Variants in KANSL1 observed in about 807,000 individuals in gnomAD.
The protein encoded by KANSL1 is MLL1/MLL complex subunit KANSL1.
KANSL1 carries 22 observed loss-of-function variants against 103.6 expected under a neutral mutation model. The ratio of observed to expected loss-of-function variants is 0.21; its 90% confidence interval spans 0.15 to 0.30. The LOEUF (loss-of-function observed/expected upper bound fraction) is 0.30. Among genes scored for constraint, KANSL1 ranks in the 10% least tolerant of loss-of-function variants. The pLI, the probability that KANSL1 is intolerant of heterozygous loss-of-function variation, is 1.00. For synonymous variants in KANSL1, 600 were observed against 527.6 expected, an observed-to-expected ratio of 1.14 and a Z score of -1.88; for missense variants, 1,337 against 1,399.8, an observed-to-expected ratio of 0.96 and a Z score of 0.72.
chr17:46,177,983 T>C (rs1460990477), intron 1 of KANSL1, among the ~76,000 whole-genome samples: 23 of 152,290 alleles, frequency 1.5e-4, no homozygotes, highest in Admixed American at 1.5e-3. Context: ...TTCACCATGT[T>C]AGCCAGGATG....
intron 4 of KANSL1, among the ~76,000 whole-genome samples, chr17:46,074,882 G>A (rs183739912): frequency 6.6e-6 from 1 of 152,146 alleles, no homozygotes; most frequent in African/African-American, 2.4e-5. Context: ...CTTAACCAAG[G>A]GAACAAACCT....
intron 2 of KANSL1, among the ~76,000 whole-genome samples, chr17:46,096,712 G>A (rs911346491): frequency 1.1e-4 from 16 of 151,426 alleles, no homozygotes; most frequent in South Asian, 2.1e-4. Flanking sequence ...TCCGCCTCCC[G>A]GGTTTACGCC....
At chr17:46,155,093 A>G (rs1407700983) in intron 2 of KANSL1, among the ~76,000 whole-genome samples, 1 of 151,872 alleles carries the variant, frequency 6.6e-6, no homozygotes, top group East Asian at 1.9e-4. Flanking sequence ...AGTTGATGGT[A>G]GCATCCTTTC....
intron 2 of KANSL1, among the ~76,000 whole-genome samples, chr17:46,117,525 C>T (rs62061851): frequency 0.14 from 21,666 of 151,968 alleles, 2,117 homozygotes; most frequent in Non-Finnish European, 0.22. Flanking sequence ...GTGGCAGTGG[C>T]AGGTGGAGAA....
At chr17:46,219,250 T>TTA (rs71262051) in intron 1 of KANSL1, among the ~76,000 whole-genome samples, 41 of 135,234 alleles carry the variant, frequency 3.0e-4, no homozygotes, top group South Asian at 4.6e-4. Flanking sequence ...TCTTGTCTCA[T>TTA]AAAAAAAAAA....
chr17:46,070,833 C>T (rs1327994024), intron 4 of KANSL1, among the ~76,000 whole-genome samples: 3 of 152,066 alleles, frequency 2.0e-5, no homozygotes, highest in East Asian at 3.8e-4. Flanking sequence ...GAAGGTACTA[C>T]GTTTAAGTAA....
chr17:46,151,815 T>C (rs1467476538), intron 2 of KANSL1, among the ~76,000 whole-genome samples: 1 of 152,280 alleles, frequency 6.6e-6, no homozygotes, highest in African/African-American at 2.4e-5. Flanking sequence ...TTTGGGGCTT[T>C]AGGGAATCAT....
intron 1 of KANSL1, among the ~76,000 whole-genome samples, chr17:46,175,593 G>A (rs939225297): frequency 3.3e-5 from 5 of 152,214 alleles, no homozygotes; most frequent in African/African-American, 4.8e-5. Context: ...CAGGTGATCC[G>A]CTTGCCTCAG....
At chr17:46,221,260 C>T (rs2048525669) in intron 1 of KANSL1, 1 of 152,096 alleles carries the variant, frequency 6.6e-6, no homozygotes, top group Non-Finnish European at 1.5e-5. Flanking sequence ...CTAAGAACTA[C>T]CTGAAACAAC....
At position 46,171,942 on chromosome 17, in the gene KANSL1, T is replaced by C. The variant is rs2046311790; in HGVS notation, c.202A>G (p.Thr68Ala). ...DPSLDFRNNPTKEDLGKLQPL... is the reference protein window; with the variant it reads ...DPSLDFRNNPAKEDLGKLQPL... Reference sequence around the variant, plus strand: ...TGCAGCTTTCCCAAGTCTTCCTTGGTAGGATTATTTCGGAAATCTAGGCTG... The same window carrying C: ...TGCAGCTTTCCCAAGTCTTCCTTGGCAGGATTATTTCGGAAATCTAGGCTG... Residue 68 changes from threonine to alanine, a missense_variant, in exon 2 of 15, where the codon ACC becomes GCC. By Grantham distance (58) the Thr-to-Ala change is moderately conservative. Around this residue, in one of 2 missense-constraint regions of KANSL1, gnomAD observed 557 missense variants for 476.4 expected, o/e 1.17. Transcript: ENST00000432791. The C allele has an allele frequency of 6.2e-7, 1 of 1,614,250 alleles. No individual in the cohort carries two copies. Among genetic ancestry groups the C allele is most frequent in the Non-Finnish European group, 8.5e-7 (1 of 1,180,038 alleles).
chr17:46,108,796 T>C (rs1189865675), intron 2 of KANSL1, among the ~76,000 whole-genome samples: 1 of 152,174 alleles, frequency 6.6e-6, no homozygotes, highest in Non-Finnish European at 1.5e-5. Flanking sequence ...ACAGACCTCA[T>C]AAAACTAACT....
At chr17:46,204,626 T>C (rs1597964448) in intron 1 of KANSL1, among the ~76,000 whole-genome samples, 1 of 152,374 alleles carries the variant, frequency 6.6e-6, no homozygotes, top group Non-Finnish European at 1.5e-5. Flanking sequence ...ATTACTCTGA[T>C]GCCAAAACCA....
intron 1 of KANSL1, among the ~76,000 whole-genome samples, chr17:46,200,418 G>A (rs1292928334): frequency 1.3e-5 from 2 of 152,218 alleles, no homozygotes; most frequent in African/African-American, 4.8e-5. Flanking sequence ...AAAGGAGGCA[G>A]CAGGTGTACA....
At chr17:46,186,483 GA>G (rs1485803174) in intron 1 of KANSL1, among the ~76,000 whole-genome samples, 10 of 152,088 alleles carry the variant, frequency 6.6e-5, no homozygotes, top group Non-Finnish European at 1.5e-4. Flanking sequence ...TACCTTTAGA[GA>G]AAAGTCAATT....
intron 6 of KANSL1, among the ~76,000 whole-genome samples, chr17:46,059,898 C>A (rs1011768265): frequency 6.6e-6 from 1 of 151,858 alleles, no homozygotes; most frequent in African/African-American, 2.4e-5. Flanking sequence ...TGCACCACTG[C>A]ACTCCAGCCT....
At chr17:46,187,751 C>T (rs1238398656) in intron 1 of KANSL1, among the ~76,000 whole-genome samples, 2 of 152,244 alleles carry the variant, frequency 1.3e-5, no homozygotes, top group African/African-American at 2.4e-5. Flanking sequence ...GGAAGGTCTA[C>T]TCTATTTAAA....
intron 2 of KANSL1, among the ~76,000 whole-genome samples, chr17:46,105,732 A>T (rs555484380): frequency 3.1e-4 from 47 of 152,238 alleles, no homozygotes; most frequent in South Asian, 1.0e-3. Context: ...TTAGCCGGGA[A>T]TGGTGGTGCA....
At chr17:46,196,442 C>T (rs771958659), upstream of KANSL1, 5 of 456,048 alleles carry the variant, frequency 1.1e-5, no homozygotes, top group Admixed American at 2.4e-5. Flanking sequence ...GTTCTTCAAT[C>T]CTAAAAATGA....
At chr17:46,045,859 T>C (rs1598471982) in intron 7 of KANSL1, 1 of 152,218 alleles carries the variant, frequency 6.6e-6, no homozygotes, top group Admixed American at 6.5e-5. Flanking sequence ...CAACTGTATG[T>C]GGTAATGCTG....
Sources: gnomAD v4.1 joint callset for allele counts (sites outside exome capture counted in the v4.1 genomes callset) on GRCh38, gnomAD v4.1.1 for gene constraint, gnomAD v4.1.1 regional missense constraint, MANE v1.5 for transcripts, NCBI Gene and HGNC (gene_info 2026-07-23, HGNC 2026-07-21) for gene names.